TBC1D15: variants seen among roughly 807,000 people sequenced by gnomAD.
TBC1D15 encodes the protein GAP for RAB7.
In TBC1D15, 39 loss-of-function variants were observed where a neutral mutation model predicts 95.4. That is an observed-to-expected ratio of 0.41 (90% CI 0.32 to 0.53). The LOEUF (loss-of-function observed/expected upper bound fraction) is 0.53, where lower values mean the gene tolerates loss of function less well. TBC1D15 is among the 20% of genes least tolerant of loss of function. The pLI is 0.29. For missense variants in TBC1D15, 733 were observed against 794.3 expected (o/e 0.92, Z 0.93); for synonymous variants, 258 against 261.3 (o/e 0.99, Z 0.12).
At chr12:71,880,390 A>G in intron 3 of TBC1D15, 79 bp from the exon 4 acceptor site, 1 of 1,282,906 alleles carries the variant, frequency 7.8e-7, no homozygotes, top group Non-Finnish European at 1.1e-6. Context: ...CTGCCTACAA[A>G]CATTGAAGCT....
intron 11 of TBC1D15, among the ~76,000 whole-genome samples, chr12:71,909,144 C>T (rs1378884872): frequency 6.6e-6 from 1 of 152,218 alleles, no homozygotes; most frequent in East Asian, 1.9e-4. Context: ...TTTGTTTATA[C>T]TAATGTCACA....
At chr12:71,861,608 G>T (rs7296729) in intron 1 of TBC1D15, 2 of 923,646 alleles carry the variant, frequency 2.2e-6, no homozygotes, top group African/African-American at 1.7e-5. Flanking sequence ...GTTTGTATAA[G>T]TAATGGTTTG....
intron 1 of TBC1D15, among the ~76,000 whole-genome samples, chr12:71,853,446 C>T (rs187706379): frequency 6.6e-6 from 1 of 152,334 alleles, no homozygotes; most frequent in Admixed American, 6.5e-5. Flanking sequence ...CAGGCGTGAG[C>T]CACTGCACCT....
At chr12:71,902,369 C>T (rs1046106060) in intron 10 of TBC1D15, among the ~76,000 whole-genome samples, 3 of 152,066 alleles carry the variant, frequency 2.0e-5, no homozygotes, top group African/African-American at 4.8e-5. Context: ...AGTCCTGGGA[C>T]GAAAAACAGG....
intron 3 of TBC1D15, among the ~76,000 whole-genome samples, chr12:71,875,025 C>T (rs1215405808): frequency 3.3e-5 from 5 of 151,044 alleles, no homozygotes; most frequent in African/African-American, 9.7e-5. Context: ...CTGCAACCTC[C>T]GCCTCCTGGC....
chr12:71,915,448 T>TAAAAA (rs1236554792), intron 12 of TBC1D15, among the ~76,000 whole-genome samples: 12 of 130,480 alleles, frequency 9.2e-5, no homozygotes, highest in African/African-American at 2.8e-4. Context: ...GTAGATATTC[T>TAAAAA]AAAAAAAAAA....
chr12:71,848,030 G>T (rs912964557), intron 1 of TBC1D15, among the ~76,000 whole-genome samples: 4 of 152,230 alleles, frequency 2.6e-5, no homozygotes, highest in Non-Finnish European at 5.9e-5. Flanking sequence ...TCAGGAGGCA[G>T]AGGTTGCGGT....
intron 11 of TBC1D15, among the ~76,000 whole-genome samples, chr12:71,911,497 A>G (rs1165249285): frequency 6.6e-6 from 1 of 151,728 alleles, no homozygotes; most frequent in Non-Finnish European, 1.5e-5. Flanking sequence ...ACTGGAAATC[A>G]TCATTCTCAG....
intron 1 of TBC1D15, among the ~76,000 whole-genome samples, chr12:71,871,664 G>A (rs954976697): frequency 6.6e-5 from 10 of 152,206 alleles, no homozygotes; most frequent in African/African-American, 2.4e-4. Flanking sequence ...TGCAGTCATA[G>A]CACCCTACAA....
At chr12:71,885,684 G>A (rs1457207198) in intron 5 of TBC1D15, among the ~76,000 whole-genome samples, 1 of 152,186 alleles carries the variant, frequency 6.6e-6, no homozygotes, top group Non-Finnish European at 1.5e-5. Flanking sequence ...CTAAGATGAA[G>A]AAGTGTAAGC....
At chr12:71,892,022 ACTTTT>A (rs1271856014) in intron 5 of TBC1D15, among the ~76,000 whole-genome samples, 1 of 152,134 alleles carries the variant, frequency 6.6e-6, no homozygotes, top group Non-Finnish European at 1.5e-5. Flanking sequence ...TTTATTAGCT[ACTTTT>A]CTTTTCTGAT....
intron 5 of TBC1D15, among the ~76,000 whole-genome samples, chr12:71,889,411 C>T (rs1333207579): frequency 3.3e-5 from 5 of 152,140 alleles, no homozygotes; most frequent in Admixed American, 2.6e-4. Context: ...TCCAAGGCCC[C>T]TCCATACTCT....
At position 71,894,294 on chromosome 12, in the gene TBC1D15, A is replaced by G. The variant is rs1365520226; in HGVS notation, c.658-392A>G. The G allele has an allele frequency of 6.8e-6, 11 of 1,606,064 alleles. No homozygotes were observed. The South Asian group carries it at 1.2e-4, about 18-fold the overall frequency. ...TTGTGTCAGAATAGCATGGTGGTAC[A>G]CACTTCAAGAAATATTTTTTTTGTA... is the stretch of plus-strand genomic sequence containing the variant. On this transcript the variant is annotated intron_variant, in intron 6 of 16. Coordinates refer to ENST00000485960, the MANE Select transcript of TBC1D15 (RefSeq NM_001146213.3).
At chr12:71,896,863 A>T (rs1898293535) in intron 9 of TBC1D15, 83 bp downstream of exon 9, 2 of 994,454 alleles carry the variant, frequency 2.0e-6, no homozygotes, top group Admixed American at 2.8e-5. Context: ...CTAGATGAGG[A>T]TTTGGAATAG....
intron 1 of TBC1D15, among the ~76,000 whole-genome samples, chr12:71,843,681 C>T (rs569100104): frequency 6.6e-6 from 1 of 152,208 alleles, no homozygotes; most frequent in South Asian, 2.1e-4. Flanking sequence ...GACAGTCTTG[C>T]TCTGTCACCC....
chr12:71,872,095 A>G lies in TBC1D15; in HGVS notation c.56A>G (p.Tyr19Cys), dbSNP rs1246922137. Residue 19 changes from tyrosine (Y) to cysteine (C), a missense_variant, in exon 2 of 17, where the codon TAT (tyrosine) becomes TGT (cysteine). Tyr to Cys is a radical substitution (Grantham distance 194). Coordinates refer to ENST00000485960, the MANE Select transcript of TBC1D15 (RefSeq NM_001146213.3). Reference sequence around the variant, plus strand: ...ATTATATATGAACAAGAAGGAGTATATATTCACTCATCTTGTGGAAAGACC... The same window carrying G: ...ATTATATATGAACAAGAAGGAGTATGTATTCACTCATCTTGTGGAAAGACC... ...GKIIYEQEGV[Y>C]IHSSCGKTND... The G allele has an allele frequency of 1.2e-5, 18 of 1,563,750 alleles. No individual in the cohort carries two copies. Among genetic ancestry groups the G allele is most frequent in the Non-Finnish European group, 1.6e-5 (18 of 1,157,120 alleles).
chr12:71,863,557 T>A (rs1427818500), intron 1 of TBC1D15, among the ~76,000 whole-genome samples: 1 of 152,182 alleles, frequency 6.6e-6, no homozygotes, highest in Non-Finnish European at 1.5e-5. Context: ...GCTTTCTGGA[T>A]CTGGATGTTT....
At chr12:71,847,078 A>G (rs1448137017) in intron 1 of TBC1D15, among the ~76,000 whole-genome samples, 1 of 152,078 alleles carries the variant, frequency 6.6e-6, no homozygotes. Context: ...TTTTTGAGAT[A>G]CAATTGATAT....
intron 1 of TBC1D15, among the ~76,000 whole-genome samples, chr12:71,841,424 T>G (rs1206525335): frequency 6.6e-6 from 1 of 152,208 alleles, no homozygotes; most frequent in Non-Finnish European, 1.5e-5. Context: ...ATCACTCCAC[T>G]GAAACTAGTT....
Sources: gnomAD v4.1 joint callset for allele counts (sites outside exome capture counted in the v4.1 genomes callset) on GRCh38, gnomAD v4.1.1 for gene constraint, MANE v1.5 for transcripts, NCBI Gene and HGNC (gene_info 2026-07-23, HGNC 2026-07-21) for gene names.